The following CDHR3 variants were observed in gnomAD, a reference collection of about 807,000 sequenced individuals.
CDHR3 encodes the protein cadherin related family member 3.
In CDHR3, 79 loss-of-function variants were observed where a neutral mutation model predicts 86.6. That is an observed-to-expected ratio of 0.91 (90% CI 0.76 to 1.10). CDHR3 has a LOEUF of 1.10. Ranked by LOEUF, CDHR3 falls within the 50% of genes least tolerant of loss-of-function variation. The probability of loss-of-function intolerance (pLI) is 0.00; values close to 1 mark genes in which losing one functional copy is unlikely to be tolerated. For missense variants in CDHR3, 1,081 were observed against 1,077.6 expected (o/e 1.00, Z -0.04); for synonymous variants, 421 against 402.4 (o/e 1.05, Z -0.55).
chr7:105,999,021 C>T (rs1832708424), intron 6 of CDHR3, among the ~76,000 whole-genome samples: 2 of 152,210 alleles, frequency 1.3e-5, no homozygotes, highest in Admixed American at 1.3e-4. Context: ...TGAAGCCATC[C>T]ATGGCTTCCC....
intron 7 of CDHR3, 118 bp downstream of exon 7, chr7:106,001,728 C>T: frequency 7.9e-7 from 1 of 1,264,130 alleles, no homozygotes; most frequent in Non-Finnish European, 1.1e-6. Flanking sequence ...CCGTGGATAC[C>T]AAAATCCACG....
In CDHR3 at chr7:106,015,097, C is replaced by A; in HGVS notation, c.1225-14C>A. On this transcript the variant is annotated splice_polypyrimidine_tract_variant and intron_variant, in intron 9 of 18. Coordinates refer to ENST00000317716, the MANE Select transcript of CDHR3 (RefSeq NM_152750.5). Reference sequence around the variant, plus strand: ...GTTTAATCTGTATAATCTACTATCTCTGTTTTAATCTAGCTGATTGGTGAT... The same window carrying A: ...GTTTAATCTGTATAATCTACTATCTATGTTTTAATCTAGCTGATTGGTGAT... 1 of 1,575,600 alleles carries A rather than the reference C, an allele frequency of 6.3e-7. No homozygotes were observed. Among genetic ancestry groups the A allele is most frequent in the Admixed American group, 1.8e-5 (1 of 56,728 alleles).
intron 2 of CDHR3, among the ~76,000 whole-genome samples, chr7:105,977,658 G>A (rs548433313): frequency 1.2e-4 from 19 of 152,274 alleles, no homozygotes; most frequent in South Asian, 4.1e-4. Context: ...CTCTCCAACC[G>A]AAATTGCTCA....
At chr7:106,016,451 C>T (rs1835636170) in intron 11 of CDHR3, among the ~76,000 whole-genome samples, 1 of 152,132 alleles carries the variant, frequency 6.6e-6, no homozygotes, top group Non-Finnish European at 1.5e-5. Context: ...TTTCTCTCTC[C>T]CCTACTAAGA....
intron 2 of CDHR3, among the ~76,000 whole-genome samples, chr7:105,980,419 TTTTA>T (rs141562776): frequency 0.26 from 39,040 of 151,488 alleles, 6,175 homozygotes; most frequent in Non-Finnish European, 0.36. Context: ...TATTTTTATT[TTTTA>T]TTTATTTTTG....
At chr7:105,978,310 G>A (rs987649737) in intron 2 of CDHR3, among the ~76,000 whole-genome samples, 14 of 152,160 alleles carry the variant, frequency 9.2e-5, no homozygotes, top group East Asian at 1.9e-4. Context: ...AGCTGGCTGC[G>A]GAGAGAGGGG....
chr7:105,965,453 G>A (rs996920480), intron 1 of CDHR3, among the ~76,000 whole-genome samples: 3 of 152,124 alleles, frequency 2.0e-5, no homozygotes, highest in African/African-American at 4.8e-5. Flanking sequence ...CAGCCTGGGC[G>A]ACAGAGTGAG....
chr7:105,965,561 A>G (rs1826747727), intron 1 of CDHR3, among the ~76,000 whole-genome samples: 1 of 55,020 alleles, frequency 1.8e-5, no homozygotes, highest in African/African-American at 3.9e-5. Context: ...GCCCAACTCA[A>G]GCCCCACCCC....
chr7:105,978,749 G>A (rs1829198921), intron 2 of CDHR3, among the ~76,000 whole-genome samples: 1 of 152,148 alleles, frequency 6.6e-6, no homozygotes, highest in African/African-American at 2.4e-5. Context: ...CATTTGTGTT[G>A]AGAGCAACCC....
At position 106,008,440 on chromosome 7, in the gene CDHR3, T is replaced by C. The variant is rs190033662; in HGVS notation, c.1052+3753T>C. On this transcript the variant is annotated intron_variant, in intron 8 of 18. Transcript: ENST00000317716. ...CTTCACTCTCACGAGCCCTGAGATA[T>C]TGCACCATCTGATGAGATTTCCATA... Among the ~76,000 whole-genome samples the C allele has an allele frequency of 3.9e-5, 6 of 152,286 alleles. No individual in the cohort carries two copies. The East Asian group carries it at 1.2e-3, about 29-fold the overall frequency.
intron 18 of CDHR3, among the ~76,000 whole-genome samples, chr7:106,031,411 C>G (rs1239752147): frequency 6.6e-6 from 1 of 152,212 alleles, no homozygotes; most frequent in South Asian, 2.1e-4. Flanking sequence ...CTCCTTTACA[C>G]TCATCCCTCT....
At chr7:106,026,558 AC>A in intron 15 of CDHR3, 123 bp from the exon 16 acceptor site, 1 of 944,814 alleles carries the variant, frequency 1.1e-6, no homozygotes, top group Non-Finnish European at 1.7e-6. Flanking sequence ...TATCCCTGGC[AC>A]CTCTTTCAGT....
intron 8 of CDHR3, among the ~76,000 whole-genome samples, chr7:106,012,071 CTTCTA>C (rs1184862191): frequency 6.6e-6 from 1 of 152,176 alleles, no homozygotes; most frequent in Non-Finnish European, 1.5e-5. Flanking sequence ...TTATATTTCT[CTTCTA>C]TTCTTCTTCA....
rs138038530 is a variant in CDHR3, at chr7:106,028,207, C to G, written c.2273-344C>G. On this transcript the variant is annotated intron_variant, in intron 16 of 18. Transcript: ENST00000317716. The stretch of plus-strand genomic sequence containing the variant: ...GGGCTTGGGAATTAATGCACAAAAC[C>G]CACACCTTATGAACAGAGGTATCCA... Among the ~76,000 whole-genome samples the G allele has an allele frequency of 7.2e-4, 109 of 150,428 alleles. 1 individual carries two copies. The East Asian group carries it at 0.017, about 23-fold the overall frequency.
At chr7:105,975,969 G>A (rs2526979) in intron 2 of CDHR3, among the ~76,000 whole-genome samples, 13,625 of 152,202 alleles carry the variant, frequency 0.09, 959 homozygotes, top group East Asian at 0.39. Context: ...TAGCAGACCT[G>A]CGGAACCCAT....
chr7:106,017,821 T>C, intron 11 of CDHR3, 25 bp from the exon 12 acceptor site: 1 of 1,531,402 alleles, frequency 6.5e-7, no homozygotes, highest in Non-Finnish European at 8.9e-7. Flanking sequence ...AAGCAGGACT[T>C]ATTGCAGGTA....
intron 10 of CDHR3, 77 bp from the exon 11 acceptor site, chr7:106,015,850 G>C (rs746207566): frequency 2.2e-5 from 24 of 1,082,208 alleles, no homozygotes; most frequent in Non-Finnish European, 3.2e-5. Context: ...GTACACAGGA[G>C]ATTCTTTAAA....
intron 2 of CDHR3, 110 bp downstream of exon 2, chr7:105,975,156 C>A: frequency 1.0e-6 from 1 of 974,894 alleles, no homozygotes; most frequent in Non-Finnish European, 1.6e-6. Flanking sequence ...GTTTAATCTT[C>A]CCTCTTGTAA....
intron 1 of CDHR3, among the ~76,000 whole-genome samples, chr7:105,969,875 C>T (rs1029310430): frequency 2.0e-5 from 3 of 152,084 alleles, no homozygotes; most frequent in African/African-American, 7.2e-5. Flanking sequence ...AGCAAAGGAA[C>T]CCTGTTTAGT....
Sources: allele counts gnomAD v4.1 joint callset (sites outside exome capture counted in the v4.1 genomes callset), GRCh38; gene constraint gnomAD v4.1.1; transcripts MANE v1.5; gene names NCBI Gene and HGNC (gene_info 2026-07-23, HGNC 2026-07-21).